Variants in CHN1 observed in about 807,000 individuals in gnomAD.
CHN1 encodes the protein chimerin 1.
Under a neutral mutation model 59.5 loss-of-function variants are expected in CHN1, and 37 were observed. The observed-to-expected ratio is 0.62, with a 90% CI of 0.48 to 0.82. The LOEUF (loss-of-function observed/expected upper bound fraction) is 0.82, where lower values mean the gene tolerates loss of function less well. Ranked by LOEUF, CHN1 falls within the 40% of genes least tolerant of loss-of-function variation. CHN1 has a pLI of 0.00. For missense variants in CHN1, 469 were observed against 571.0 expected (o/e 0.82, Z 1.82); for synonymous variants, 206 against 200.4 (o/e 1.03, Z -0.24).
intron 6 of CHN1, among the ~76,000 whole-genome samples, chr2:174,876,785 C>G (rs1194977543): frequency 1.3e-5 from 2 of 152,090 alleles, no homozygotes; most frequent in African/African-American, 4.8e-5. Flanking sequence ...AATAACATTA[C>G]CACCAAACTA....
Position 174,877,990 on chromosome 2 carries a change from G to A in CHN1, c.399C>T (p.Tyr133=), listed in dbSNP as rs2105333837. The part of the protein sequence containing the change: ...TLYIETKAAE[Y]IAKMTINPIY... ...TTGGGTTTATCGTCATCTTGGCAAT[G>A]TATTCTGCTGCCTTGGTTTCAATAT... Residue 133 remains tyrosine (Y), a synonymous_variant, in exon 6 of 13, where the codon TAC becomes TAT. Transcript: ENST00000409900. 1 of 1,613,798 alleles carries A rather than the reference G, an allele frequency of 6.2e-7. No individual in the cohort carries two copies. Among genetic ancestry groups the A allele is most frequent in the Non-Finnish European group, 8.5e-7 (1 of 1,179,834 alleles).
intron 7 of CHN1, among the ~76,000 whole-genome samples, chr2:174,838,950 G>T (rs1267238798): frequency 4.0e-5 from 6 of 151,796 alleles, no homozygotes; most frequent in Non-Finnish European, 7.4e-5. Flanking sequence ...CCAGGAGGCG[G>T]AAGTTGCAGT....
At chr2:174,903,529 A>G (rs1688453326) in intron 5 of CHN1, among the ~76,000 whole-genome samples, 1 of 152,202 alleles carries the variant, frequency 6.6e-6, no homozygotes, top group Non-Finnish European at 1.5e-5. Context: ...AGGGAGTGGA[A>G]CTAGAAGTAT....
chr2:174,864,774 G>A (rs549666800), intron 6 of CHN1, among the ~76,000 whole-genome samples: 2 of 152,124 alleles, frequency 1.3e-5, no homozygotes, highest in African/African-American at 2.4e-5. Flanking sequence ...CAGGTAGGAG[G>A]ATTGCTTTAG....
At chr2:174,932,813 G>A (rs1423373995) in intron 3 of CHN1, among the ~76,000 whole-genome samples, 1 of 152,174 alleles carries the variant, frequency 6.6e-6, no homozygotes, top group East Asian at 1.9e-4. Context: ...CTTCCACCAT[G>A]AATAAAAGTT....
intron 1 of CHN1, among the ~76,000 whole-genome samples, chr2:174,963,927 TCTC>T (rs1411225663): frequency 2.0e-5 from 3 of 152,056 alleles, no homozygotes; most frequent in African/African-American, 7.2e-5. Context: ...TGTGAGACAT[TCTC>T]CTCGAGACTT....
At chr2:174,921,990 A>G (rs749326609) in intron 3 of CHN1, among the ~76,000 whole-genome samples, 5 of 152,206 alleles carry the variant, frequency 3.3e-5, no homozygotes, top group South Asian at 2.1e-4. Flanking sequence ...GTGAGGTTGT[A>G]GTCAGGTTAT....
At chr2:174,934,575 G>C (rs1207132773) in intron 3 of CHN1, among the ~76,000 whole-genome samples, 7 of 152,200 alleles carry the variant, frequency 4.6e-5, no homozygotes, top group African/African-American at 1.7e-4. Context: ...TGAGAAGAGA[G>C]AAAGGGCATG....
chr2:174,860,178 G>T (rs555212477), intron 6 of CHN1, among the ~76,000 whole-genome samples: 47 of 152,088 alleles, frequency 3.1e-4, no homozygotes, highest in Admixed American at 3.1e-3. Flanking sequence ...AAATGAGAGC[G>T]TAGTCTCTTG....
chr2:174,992,756 C>G (rs1007236608), intron 1 of CHN1, among the ~76,000 whole-genome samples: 4 of 152,192 alleles, frequency 2.6e-5, no homozygotes, highest in Non-Finnish European at 5.9e-5. Flanking sequence ...ACCAAGAAGC[C>G]TGCTAAGTCA....
At chr2:174,872,860 T>C (rs1189650036) in intron 6 of CHN1, among the ~76,000 whole-genome samples, 13 of 152,180 alleles carry the variant, frequency 8.5e-5, no homozygotes, top group Non-Finnish European at 1.5e-5. Context: ...TAATTCTTCA[T>C]GCAATGCTTC....
At position 174,811,539 on chromosome 2, in the gene CHN1, A is replaced by G. The variant is rs950561503; in HGVS notation, c.936T>C (p.Ile312=). ...LYRVSGFSDL[I]EDVKMAFDRD... is the part of the protein sequence containing the mutation. ...TGTCGAAAGCCATCTTGACATCTTCAATTAGGTCACTAAATCCTGATACTC... is the reference window on the plus strand; with the variant it reads ...TGTCGAAAGCCATCTTGACATCTTCGATTAGGTCACTAAATCCTGATACTC... Residue 312 remains isoleucine, a synonymous_variant, in exon 10 of 13, where the codon ATT becomes ATC. Coordinates refer to ENST00000409900, the MANE Select transcript of CHN1 (RefSeq NM_001822.7). 6.2e-7 allele frequency: 1 copy of G among 1,612,012 alleles called. No individual in the cohort carries two copies. The highest frequency in any genetic ancestry group is 1.3e-5 in the African/African-American group (1 of 74,898).
intron 1 of CHN1, among the ~76,000 whole-genome samples, chr2:174,967,237 G>C (rs540111050): frequency 2.0e-4 from 30 of 152,022 alleles, no homozygotes; most frequent in Non-Finnish European, 3.7e-4. Context: ...CCAGCTACTG[G>C]GGTAGGAGGC....
chr2:174,882,626 A>G (rs989448331), intron 5 of CHN1, among the ~76,000 whole-genome samples: 3 of 152,248 alleles, frequency 2.0e-5, no homozygotes, highest in Admixed American at 6.5e-5. Flanking sequence ...ACAGAAAACA[A>G]AACATATACA....
intron 9 of CHN1, 42 bp downstream of exon 9, chr2:174,812,267 A>G: frequency 6.4e-7 from 1 of 1,555,120 alleles, no homozygotes; most frequent in Non-Finnish European, 8.7e-7. Flanking sequence ...TGGTACTGGT[A>G]GTGAACGGAG....
chr2:174,916,364 CT>C (rs901419257), intron 4 of CHN1, among the ~76,000 whole-genome samples: 18 of 152,028 alleles, frequency 1.2e-4, no homozygotes, highest in African/African-American at 4.1e-4. Flanking sequence ...ATTTGTATAC[CT>C]TCTCTCCTGT....
In CHN1 at chr2:174,964,699, T is replaced by C. The variant is rs191647316; in HGVS notation, c.20-12497A>G. Among the ~76,000 whole-genome samples the C allele has an allele frequency of 1.4e-3, 218 of 152,304 alleles. 2 individuals carry two copies. Among genetic ancestry groups the C allele is most frequent in the African/African-American group, 5.0e-3 (209 of 41,572 alleles). On this transcript the variant is annotated intron_variant, in intron 1 of 12. Coordinates refer to ENST00000409900, the MANE Select transcript of CHN1 (RefSeq NM_001822.7). Reference sequence around the variant, plus strand: ...CATTTACCTCTTCTGCCGGTTCTAATTGAATTTGCTGAATGTCAAGCATTT... The same window carrying C: ...CATTTACCTCTTCTGCCGGTTCTAACTGAATTTGCTGAATGTCAAGCATTT...
At chr2:174,853,399 C>G (rs1239277438) in intron 6 of CHN1, among the ~76,000 whole-genome samples, 1 of 152,066 alleles carries the variant, frequency 6.6e-6, no homozygotes, top group African/African-American at 2.4e-5. Context: ...AATGAGATAC[C>G]ATCTCACACC....
At chr2:174,888,550 T>A (rs1196279320) in intron 5 of CHN1, among the ~76,000 whole-genome samples, 1 of 152,102 alleles carries the variant, frequency 6.6e-6, no homozygotes, top group East Asian at 1.9e-4. Context: ...GGGTAATATA[T>A]CAACAAATCA....
Sources: allele counts gnomAD v4.1 joint callset (sites outside exome capture counted in the v4.1 genomes callset), GRCh38; gene constraint gnomAD v4.1.1; transcripts MANE v1.5; gene names NCBI Gene and HGNC (gene_info 2026-07-23, HGNC 2026-07-21).